Variants in RPH3A observed in about 807,000 individuals in gnomAD.
RPH3A encodes rabphilin-3A.
In RPH3A, 48 loss-of-function variants were observed where a neutral mutation model predicts 102.2. The observed-to-expected ratio is 0.47, with a 90% CI of 0.37 to 0.60. RPH3A has a LOEUF of 0.60. RPH3A is among the 20% of genes least tolerant of loss of function. RPH3A has a pLI of 0.00. For synonymous variants in RPH3A, 310 were observed against 324.3 expected, an observed-to-expected ratio of 0.96 and a Z score of 0.47; for missense variants, 781 against 910.1, an observed-to-expected ratio of 0.86 and a Z score of 1.83.
intron 2 of RPH3A, among the ~76,000 whole-genome samples, chr12:112,820,301 A>T (rs374050486): frequency 6.6e-6 from 1 of 152,214 alleles, no homozygotes; most frequent in Non-Finnish European, 1.5e-5. Flanking sequence ...GACAATAATT[A>T]ATGTTTACTG....
At chr12:112,868,875 G>T in intron 8 of RPH3A, 1 of 309,874 alleles carries the variant, frequency 3.2e-6, no homozygotes, top group Non-Finnish European at 5.9e-6. Flanking sequence ...TTAAAATTAG[G>T]AACTGAGAGA....
chr12:112,839,253 T>A (rs2136174337), intron 4 of RPH3A, among the ~76,000 whole-genome samples: 1 of 152,304 alleles, frequency 6.6e-6, no homozygotes, highest in East Asian at 1.9e-4. Context: ...AACTGGAATT[T>A]AACATAATGC....
chr12:112,833,440 G>A (rs1721752899), intron 3 of RPH3A, among the ~76,000 whole-genome samples: 2 of 152,050 alleles, frequency 1.3e-5, no homozygotes, highest in Admixed American at 6.6e-5. Context: ...AATTACTTGC[G>A]CTTTGAATGC....
At chr12:112,578,085 T>C (rs1028510108) in intron 1 of RPH3A, among the ~76,000 whole-genome samples, 1 of 152,190 alleles carries the variant, frequency 6.6e-6, no homozygotes, top group Non-Finnish European at 1.5e-5. Context: ...GCACAGACTC[T>C]GACATAGGAC....
intron 1 of RPH3A, among the ~76,000 whole-genome samples, chr12:112,675,143 A>T (rs2040165335): frequency 1.3e-5 from 2 of 152,162 alleles, no homozygotes; most frequent in South Asian, 4.1e-4. Flanking sequence ...ATTATTTGAT[A>T]CAAGAACTTG....
chr12:112,614,471 C>T (rs2039662248), intron 1 of RPH3A, among the ~76,000 whole-genome samples: 2 of 150,814 alleles, frequency 1.3e-5, no homozygotes, highest in Admixed American at 1.3e-4. Flanking sequence ...ATCACTTGAG[C>T]CCAGAAGTTT....
intron 1 of RPH3A, among the ~76,000 whole-genome samples, chr12:112,636,966 G>A: frequency 6.6e-6 from 1 of 152,110 alleles, no homozygotes; most frequent in East Asian, 1.9e-4. Flanking sequence ...ATGCCTATGG[G>A]GCTCAGCCTC....
chr12:112,875,213 C>T (rs777658584), intron 11 of RPH3A, 43 bp downstream of exon 11: 9 of 1,462,002 alleles, frequency 6.2e-6, no homozygotes, highest in African/African-American at 4.2e-5. Flanking sequence ...GGCTGTCACT[C>T]GGCTGTGACC....
chr12:112,875,379 AC>A (rs1369164846), intron 11 of RPH3A, among the ~76,000 whole-genome samples: 2 of 152,076 alleles, frequency 1.3e-5, no homozygotes, highest in Non-Finnish European at 2.9e-5. Context: ...GGAGCATCTT[AC>A]CCACCCAGTG....
chr12:112,800,427 C>T (rs2041320156), intron 2 of RPH3A, among the ~76,000 whole-genome samples: 1 of 152,168 alleles, frequency 6.6e-6, no homozygotes, highest in South Asian at 2.1e-4. Context: ...AGGTTCAGAT[C>T]AGGACCTCCA....
intron 1 of RPH3A, among the ~76,000 whole-genome samples, chr12:112,766,036 C>T (rs1203205430): frequency 2.6e-5 from 4 of 152,186 alleles, no homozygotes; most frequent in Non-Finnish European, 4.4e-5. Flanking sequence ...GATGCCATCT[C>T]TCCATGAATC....
chr12:112,686,960 T>A (rs379808), intron 1 of RPH3A, among the ~76,000 whole-genome samples: 131,009 of 151,748 alleles, frequency 0.86, 56,759 homozygotes, highest in African/African-American at 0.94. Flanking sequence ...ATAAAAAGTA[T>A]AAAATTTAAC....
At chr12:112,605,029 G>T (rs1355219185) in intron 1 of RPH3A, among the ~76,000 whole-genome samples, 1 of 152,128 alleles carries the variant, frequency 6.6e-6, no homozygotes, top group East Asian at 1.9e-4. Context: ...TACCTTCAAG[G>T]GCTTTACCTC....
At chr12:112,781,648 T>C (rs2041008551) in intron 1 of RPH3A, among the ~76,000 whole-genome samples, 1 of 152,224 alleles carries the variant, frequency 6.6e-6, no homozygotes, top group South Asian at 2.1e-4. Flanking sequence ...ACCCAGGAAA[T>C]AAATGGCTCA....
rs113799078 is a variant in RPH3A, at chr12:112,895,808, T to C, written c.1889T>C (p.Leu630Pro). Residue 630 changes from leucine to proline, a missense_variant, in exon 21 of 22, where the codon CTG (leucine) becomes CCG (proline). Physicochemically the swap from Leu to Pro is moderately conservative, Grantham distance 98. This residue lies in a region of RPH3A where 51 missense variants were observed against 100.1 expected (regional missense o/e 0.51). Coordinates refer to ENST00000389385, the MANE Select transcript of RPH3A (RefSeq NM_001143854.2). ...EFFYDIKHSD[L>P]AKKSLDISVW... Reference sequence around the variant, plus strand: ...TTCTATGACATCAAACACAGTGACCTGGCAAAGAAGTCACTGGACATTTCA... The same window carrying C: ...TTCTATGACATCAAACACAGTGACCCGGCAAAGAAGTCACTGGACATTTCA... 1 of 1,614,094 alleles carries C rather than the reference T, an allele frequency of 6.2e-7. No homozygotes were observed. The highest frequency in any genetic ancestry group is 8.5e-7 in the Non-Finnish European group (1 of 1,179,976).
In RPH3A at chr12:112,883,289, C is replaced by G. The variant is rs1206487757; in HGVS notation, c.1327-4C>G. On this transcript the variant is annotated splice_region_variant and splice_polypyrimidine_tract_variant and intron_variant, in intron 15 of 21. Transcript: ENST00000389385. ...TGTCTCTGTCCATCTCTCTCGGGCT[C>G]TAGTCCAACAAGCTTCGTACAAAAA... The G allele has an allele frequency of 6.2e-7, 1 of 1,612,906 alleles. No homozygotes were observed. The highest frequency in any genetic ancestry group is 1.1e-5 in the South Asian group (1 of 90,978).
intron 1 of RPH3A, among the ~76,000 whole-genome samples, chr12:112,670,397 G>A (rs2040119151): frequency 6.6e-6 from 1 of 152,066 alleles, no homozygotes; most frequent in African/African-American, 2.4e-5. Context: ...TGGCCAGGCT[G>A]GTCTCGAACT....
At chr12:112,735,808 C>A (rs2040665415) in intron 1 of RPH3A, among the ~76,000 whole-genome samples, 1 of 152,192 alleles carries the variant, frequency 6.6e-6, no homozygotes. Context: ...TGCTCAAATA[C>A]CTTAAGTGGC....
intron 1 of RPH3A, among the ~76,000 whole-genome samples, chr12:112,645,437 T>A (rs1375083226): frequency 6.6e-6 from 1 of 152,212 alleles, no homozygotes; most frequent in Non-Finnish European, 1.5e-5. Context: ...CTCAGTTTAT[T>A]GCCAGGAAAA....
Sources: allele counts gnomAD v4.1 joint callset (sites outside exome capture counted in the v4.1 genomes callset), GRCh38; gene constraint gnomAD v4.1.1; regional missense constraint gnomAD v4.1.1; transcripts MANE v1.5; gene names NCBI Gene and HGNC (gene_info 2026-07-23, HGNC 2026-07-21).